Variants in ADGRE2 observed in about 807,000 individuals in gnomAD.
ADGRE2 encodes the protein adhesion G protein-coupled receptor E2.
A neutral mutation model predicts 100.8 loss-of-function variants in ADGRE2; 83 were observed. The ratio of observed to expected loss-of-function variants is 0.82; its 90% CI spans 0.69 to 0.99. The LOEUF (loss-of-function observed/expected upper bound fraction) is 0.99, where lower values mean the gene tolerates loss of function less well. Ranked by LOEUF, ADGRE2 falls within the 50% of genes least tolerant of loss-of-function variation. The pLI is 0.00. For synonymous variants in ADGRE2, 355 were observed against 413.0 expected (o/e 0.86, Z 1.70); for missense variants, 814 against 1,035.7 (o/e 0.79, Z 2.94).
chr19:14,756,124 C>T, intron 12 of ADGRE2, 114 bp downstream of exon 12: 2 of 878,600 alleles, frequency 2.3e-6, no homozygotes, highest in Non-Finnish European at 3.7e-6. Flanking sequence ...CTTACAGCCC[C>T]ACTCCAAACA....
At chr19:14,756,154 C>A in intron 12 of ADGRE2, 84 bp downstream of exon 12, 1 of 1,111,384 alleles carries the variant, frequency 9.0e-7, no homozygotes, top group Non-Finnish European at 1.4e-6. Flanking sequence ...TCCCTTTAAT[C>A]TTTAAATTTC....
At chr19:14,727,320 G>A in the ADGRE2 span, among the ~76,000 whole-genome samples, 3 of 152,080 alleles carry the variant, frequency 2.0e-5, no homozygotes, top group Non-Finnish European at 4.4e-5. Flanking sequence ...GAGCCACCAA[G>A]CCCGGCCCAA....
At chr19:14,763,126 G>A in intron 11 of ADGRE2, among the ~76,000 whole-genome samples, 1 of 152,068 alleles carries the variant, frequency 6.6e-6, no homozygotes, top group Admixed American at 6.6e-5. Context: ...TTATGCACAA[G>A]GTCAGGAGAT....
At chr19:14,770,140 G>T (rs1428069760) in intron 5 of ADGRE2, among the ~76,000 whole-genome samples, 2 of 152,028 alleles carry the variant, frequency 1.3e-5, no homozygotes, top group Non-Finnish European at 2.9e-5. Context: ...ATGGAGCCTC[G>T]TGGGAGGTGT....
At chr19:14,742,165 C>G in intron 20 of ADGRE2, 2 of 398,328 alleles carry the variant, frequency 5.0e-6, no homozygotes, top group South Asian at 2.6e-4. Flanking sequence ...TGTGAACCCT[C>G]TTAGGGCATC....
chr19:14,736,218 C>G lies in ADGRE2; in HGVS notation c.*18G>C, dbSNP rs371744811. 1.9e-6 allele frequency: 3 copies of G among 1,583,882 alleles called. No individual in the cohort carries two copies. Among genetic ancestry groups the G allele is most frequent in the East Asian group, 2.2e-5 (1 of 44,562 alleles). On this transcript the variant is annotated 3_prime_UTR_variant, in exon 21 of 21. Coordinates refer to ENST00000315576, the MANE Select transcript of ADGRE2 (RefSeq NM_013447.4). ...TTTTCCACGGGCAAAGAGGGAAGAT[C>G]TTATTCAGAAGATTTTTCTAGTTAA...
chr19:14,744,190 G>A (rs543116299), intron 18 of ADGRE2, among the ~76,000 whole-genome samples: 227 of 151,570 alleles, frequency 1.5e-3, no homozygotes, highest in African/African-American at 5.3e-3. Context: ...GTTGCAGTGA[G>A]TCGAGATAGA....
chr19:14,731,099 C>G (rs577658747), downstream of ADGRE2: 5 of 1,370,108 alleles, frequency 3.6e-6, no homozygotes, highest in African/African-American at 1.4e-5. Flanking sequence ...CCCCCTCCCC[C>G]CAAGGATTGG....
rs1177023687 is a variant in ADGRE2 at position 14,735,067 on chromosome 19, G to A, written c.*1169C>T. On this transcript the variant is annotated 3_prime_UTR_variant, in exon 21 of 21. Coordinates refer to ENST00000315576, the MANE Select transcript of ADGRE2 (RefSeq NM_013447.4). ...TTGGCACAGCTGCCGGCATTCACCC[G>A]TGGAAGCTTCCAGCTTGCTTGTCTA... 1 of 152,136 alleles carries A rather than the reference G, an allele frequency of 6.6e-6. No homozygotes were observed. 9.4% of individuals were successfully genotyped at this position (152,136 alleles called of 1,614,324 possible). A position where few individuals can be genotyped will look rare whatever the true frequency, so the allele number is the denominator to read the frequency against.
At chr19:14,772,543 C>G in intron 4 of ADGRE2, 46 bp from the exon 5 acceptor site, 1 of 1,606,108 alleles carries the variant, frequency 6.2e-7, no homozygotes, top group East Asian at 2.2e-5. Context: ...GATGTGAGTT[C>G]CGTCAGGGCA....
intron 11 of ADGRE2, among the ~76,000 whole-genome samples, chr19:14,760,272 A>G (rs2043670541): frequency 6.6e-6 from 1 of 152,224 alleles, no homozygotes; most frequent in South Asian, 2.1e-4. Context: ...CCCTGACTTG[A>G]TCGTTACACA....
chr19:14,724,311 C>G, the ADGRE2 span, among the ~76,000 whole-genome samples: 2 of 152,194 alleles, frequency 1.3e-5, no homozygotes, highest in African/African-American at 4.8e-5. Context: ...ACAGTAAGAT[C>G]ATACATTGCT....
rs1659981381 is a variant in ADGRE2 at position 14,746,957 on chromosome 19, C to T, written c.2030G>A (p.Trp677Ter). 6.2e-7 allele frequency: 1 copy of T among 1,610,966 alleles called. No individual in the cohort carries two copies. Among genetic ancestry groups the T allele is most frequent in the Non-Finnish European group, 8.5e-7 (1 of 1,178,840 alleles). ...TATAAATCCCTTTTCTGGTTGGAGC[C>T]AGCAGCTGAAAAAAGAGAGATTAAA... ...PHLYGTPSRC[W>*]LQPEKGFIWG... The change falls in exon 17 of 21, where the codon TGG becomes TAG. Residue 677 changes from tryptophan (W) to a stop codon, truncating the protein, a stop_gained. Transcript: ENST00000315576. LOFTEE classifies it high-confidence loss of function.
the ADGRE2 span, among the ~76,000 whole-genome samples, chr19:14,726,636 G>A: frequency 6.6e-6 from 1 of 152,152 alleles, no homozygotes. Context: ...TCTCCCACCA[G>A]ACACTCTCTA....
intron 14 of ADGRE2, among the ~76,000 whole-genome samples, chr19:14,754,289 A>G (rs535289066): frequency 0.17 from 2,609 of 14,966 alleles, 37 homozygotes; most frequent in Non-Finnish European, 0.23. Flanking sequence ...ATATATATCT[A>G]TATCTATCTA....
chr19:14,753,497 T>C (rs1433016964), intron 14 of ADGRE2, among the ~76,000 whole-genome samples: 1 of 151,930 alleles, frequency 6.6e-6, no homozygotes, highest in Non-Finnish European at 1.5e-5. Flanking sequence ...AGTGATGAGA[T>C]AAGAAAGTCA....
rs1216219417 is a variant in ADGRE2 at position 14,733,726 on chromosome 19, C to T, written c.*2510G>A. On this transcript the variant is annotated 3_prime_UTR_variant, in exon 21 of 21. Transcript: ENST00000315576. ...TCAGGTGTGTTTTCTCTAAAATAAA[C>T]CTGTCTTAACCATCAAGCCACTTTT... 1 of 152,204 alleles carries T rather than the reference C, an allele frequency of 6.6e-6. No homozygotes were observed. The highest frequency in any genetic ancestry group is 1.5e-5 in the Non-Finnish European group (1 of 68,044). 9.4% of individuals were successfully genotyped at this position (152,204 alleles called of 1,614,324 possible).
rs1859258 is a variant in ADGRE2, at chr19:14,736,201, G to T, written c.*35C>A. On this transcript the variant is annotated 3_prime_UTR_variant, in exon 21 of 21. Transcript: ENST00000315576. The stretch of plus-strand genomic sequence containing the variant: ...CTCAAAGATTGTTCAGATTTTCCAC[G>T]GGCAAAGAGGGAAGATCTTATTCAG... The T allele has an allele frequency of 1.1e-5, 17 of 1,567,666 alleles. No individual in the cohort carries two copies. The highest frequency in any genetic ancestry group is 1.7e-4 in the Middle Eastern group (1 of 5,984).
chr19:14,730,617 C>A (rs1429263374), downstream of ADGRE2, among the ~76,000 whole-genome samples: 1 of 151,866 alleles, frequency 6.6e-6, no homozygotes, highest in African/African-American at 2.4e-5. Flanking sequence ...TTGTAATAAC[C>A]CAAACTGGGA....
Sources: gnomAD v4.1 joint callset for allele counts (sites outside exome capture counted in the v4.1 genomes callset) on GRCh38, gnomAD v4.1.1 for gene constraint, MANE v1.5 for transcripts, NCBI Gene and HGNC (gene_info 2026-07-23, HGNC 2026-07-21) for gene names.